ARID5B: variants seen among roughly 807,000 people sequenced by gnomAD.
ARID5B encodes the protein AT-rich interaction domain 5B.
ARID5B carries 13 observed loss-of-function variants against 97.2 expected under a neutral mutation model. That is an observed-to-expected ratio of 0.13 (90% CI 0.09 to 0.21). The LOEUF (loss-of-function observed/expected upper bound fraction) is 0.21, where lower values mean the gene tolerates loss of function less well. Ranked by LOEUF, ARID5B falls within the 10% of genes least tolerant of loss-of-function variation. The probability of loss-of-function intolerance (pLI) is 1.00; values close to 1 mark genes in which losing one functional copy is unlikely to be tolerated. For synonymous variants in ARID5B, 556 were observed against 570.3 expected, an observed-to-expected ratio of 0.97 and a Z score of 0.36; for missense variants, 1,210 against 1,465.3, an observed-to-expected ratio of 0.83 and a Z score of 2.84.
In ARID5B at chr10:62,096,710, A is replaced by G. The variant is rs1011791117; in HGVS notation, c.*3680A>G. On this transcript the variant is annotated 3_prime_UTR_variant, in exon 10 of 10. Transcript: ENST00000279873. The stretch of plus-strand genomic sequence containing the variant: ...TATAGCAACATGGCCCAGTGATATT[A>G]TATAGTTTCCCAATGGAGAGGTTAT... 1.3e-5 allele frequency: 3 copies of G among 233,502 alleles called. No individual in the cohort carries two copies. Among genetic ancestry groups the G allele is most frequent in the African/African-American group, 6.6e-5 (3 of 45,360 alleles). 14.5% of individuals were successfully genotyped at this position (233,502 alleles called of 1,614,324 possible). A position where few individuals can be genotyped will look rare whatever the true frequency, so the allele number is the denominator to read the frequency against.
intron 8 of ARID5B, among the ~76,000 whole-genome samples, chr10:62,081,080 G>A (rs887695826): frequency 1.3e-5 from 2 of 152,180 alleles, no homozygotes; most frequent in Admixed American, 6.5e-5. Context: ...TGGGATTACA[G>A]GCGTGAGCTA....
chr10:62,039,408 G>T (rs796805071), intron 4 of ARID5B, among the ~76,000 whole-genome samples: 4 of 152,306 alleles, frequency 2.6e-5, no homozygotes, highest in Non-Finnish European at 4.4e-5. Context: ...TCTAAGAAAA[G>T]AAAATATTTC....
rs544974395 is a variant in ARID5B, at chr10:61,941,103, C to A, written c.502+695C>A. Among the ~76,000 whole-genome samples, 8 of 143,844 alleles carry A rather than the reference C, an allele frequency of 5.6e-5. 1 individual carries two copies. The South Asian group carries it at 1.6e-3, about 29-fold the overall frequency. The allele number at this position is 143,844 out of a possible 152,430, so 94.4% of individuals were successfully genotyped here. A position where few individuals can be genotyped will look rare whatever the true frequency, so the allele number is the denominator to read the frequency against. On this transcript the variant is annotated intron_variant, in intron 3 of 9. Coordinates refer to ENST00000279873, the MANE Select transcript of ARID5B (RefSeq NM_032199.3). Reference sequence around the variant, plus strand: ...ACTCTGCTGCTTCTTAGCTGTATGGCCTTAGGCAAATAATTTAACTTCTAA... The same window carrying A: ...ACTCTGCTGCTTCTTAGCTGTATGGACTTAGGCAAATAATTTAACTTCTAA...
intron 2 of ARID5B, among the ~76,000 whole-genome samples, chr10:61,928,502 A>T (rs544843059): frequency 6.6e-6 from 1 of 152,158 alleles, no homozygotes; most frequent in Admixed American, 6.5e-5. Context: ...GGTTTTGTAC[A>T]GGCTGATCTT....
At chr10:61,978,837 C>T (rs762368472) in intron 3 of ARID5B, among the ~76,000 whole-genome samples, 1 of 152,114 alleles carries the variant, frequency 6.6e-6, no homozygotes, top group African/African-American at 2.4e-5. Context: ...CTTTTCCTAA[C>T]TGAAAACCCT....
chr10:61,927,989 T>A (rs1844137019), intron 2 of ARID5B, among the ~76,000 whole-genome samples: 1 of 152,134 alleles, frequency 6.6e-6, no homozygotes, highest in Admixed American at 6.5e-5. Flanking sequence ...CCGGTGGGGT[T>A]TACTCATAGA....
At chr10:61,920,882 A>C (rs1467486900) in intron 2 of ARID5B, among the ~76,000 whole-genome samples, 1 of 152,176 alleles carries the variant, frequency 6.6e-6, no homozygotes, top group Non-Finnish European at 1.5e-5. Flanking sequence ...ATACTTGGCA[A>C]GATTATATGG....
intron 4 of ARID5B, among the ~76,000 whole-genome samples, chr10:62,010,279 C>T (rs988063371): frequency 7.2e-5 from 11 of 152,186 alleles, no homozygotes; most frequent in African/African-American, 2.4e-4. Context: ...AAAAGAGTCA[C>T]TTCAGAATAA....
In ARID5B at chr10:62,095,285, C is replaced by T. The variant is rs1480928811; in HGVS notation, c.*2255C>T. ...GCACTAGATTGAATGGTCACAGAAT[C>T]GGAGGACATGGAAGAAAAAGGAAAC... On this transcript the variant is annotated 3_prime_UTR_variant, in exon 10 of 10. Coordinates refer to ENST00000279873, the MANE Select transcript of ARID5B (RefSeq NM_032199.3). 6 of 232,650 alleles carry T rather than the reference C, an allele frequency of 2.6e-5. No homozygotes were observed. The highest frequency in any genetic ancestry group is 5.1e-5 in the Non-Finnish European group (6 of 117,742). The allele number at this position is 232,650 out of a possible 1,614,324, so 14.4% of individuals were successfully genotyped here.
intron 5 of ARID5B, 125 bp from the exon 6 acceptor site, chr10:62,056,992 G>C (rs1839864725): frequency 2.4e-6 from 2 of 843,108 alleles, no homozygotes; most frequent in South Asian, 1.8e-5. Flanking sequence ...ATTAAAAGCA[G>C]GGATAATTTA....
chr10:62,065,602 T>A (rs1217090622), intron 7 of ARID5B, among the ~76,000 whole-genome samples: 2 of 151,976 alleles, frequency 1.3e-5, no homozygotes, highest in African/African-American at 4.8e-5. Flanking sequence ...TCCCAGCACT[T>A]TGGGAGGCCA....
intron 1 of ARID5B, 34 bp from the exon 2 acceptor site, chr10:61,902,125 A>T: frequency 6.2e-7 from 1 of 1,609,770 alleles, no homozygotes; most frequent in East Asian, 2.2e-5. Context: ...TGATGGCTAC[A>T]TTATTTATTT....
At chr10:62,018,072 CAA>C (rs570402081) in intron 4 of ARID5B, among the ~76,000 whole-genome samples, 1 of 152,144 alleles carries the variant, frequency 6.6e-6, no homozygotes, top group Non-Finnish European at 1.5e-5. Flanking sequence ...GATCCAGTGT[CAA>C]AAATAATCGG....
rs146315822 is a variant in ARID5B at position 61,948,325 on chromosome 10, T to G, written c.502+7917T>G. 2.4e-3 allele frequency among the ~76,000 whole-genome samples: 370 copies of G among 151,520 alleles called. 1 individual carries two copies. Among genetic ancestry groups the G allele is most frequent in the African/African-American group, 8.3e-3 (344 of 41,294 alleles). Reference sequence around the variant, plus strand: ...CTCTTTTCAGTTCTTCCCTAAGATGTGCTTTCAGAATCCCTCACCATCACG... The same window carrying G: ...CTCTTTTCAGTTCTTCCCTAAGATGGGCTTTCAGAATCCCTCACCATCACG... On this transcript the variant is annotated intron_variant, in intron 3 of 9. Transcript: ENST00000279873.
chr10:61,996,870 A>G (rs1839004354), intron 3 of ARID5B, among the ~76,000 whole-genome samples: 1 of 148,400 alleles, frequency 6.7e-6, no homozygotes, highest in Non-Finnish European at 1.5e-5. Flanking sequence ...AGAATTTTTT[A>G]AAAGTCTGAC....
intron 2 of ARID5B, among the ~76,000 whole-genome samples, chr10:61,917,667 C>G (rs1182722010): frequency 2.6e-5 from 4 of 152,188 alleles, no homozygotes; most frequent in African/African-American, 7.2e-5. Context: ...AAGCTTTGGA[C>G]TATTACAGTT....
intron 9 of ARID5B, among the ~76,000 whole-genome samples, chr10:62,087,306 A>AAAAAAAAAAAAAAAAAAAAAAAAG (rs1840302632): frequency 6.7e-6 from 1 of 149,502 alleles, no homozygotes; most frequent in Non-Finnish European, 1.5e-5. Context: ...CTCAAAAAAA[A>AAAAAAAAAAAAAAAAAAAAAAAAG]AAAAAAAAAA....
Position 62,022,073 on chromosome 10 carries a change from G to A in ARID5B, c.733+21752G>A, listed in dbSNP as rs143384001. ...CCCTGGCACTGTCCCCCTGTCCCATGTTCTCTTCTTTACTGAACTACAATT... is the reference window on the plus strand; with the variant it reads ...CCCTGGCACTGTCCCCCTGTCCCATATTCTCTTCTTTACTGAACTACAATT... On this transcript the variant is annotated intron_variant, in intron 4 of 9. Coordinates refer to ENST00000279873, the MANE Select transcript of ARID5B (RefSeq NM_032199.3). Among the ~76,000 whole-genome samples the A allele has an allele frequency of 4.6e-3, 706 of 152,274 alleles. 9 individuals are homozygous for A. Among genetic ancestry groups the A allele is most frequent in the African/African-American group, 0.016 (676 of 41,568 alleles).
chr10:61,907,310 G>A (rs1052150956), intron 2 of ARID5B, among the ~76,000 whole-genome samples: 1 of 152,154 alleles, frequency 6.6e-6, no homozygotes, highest in Non-Finnish European at 1.5e-5. Flanking sequence ...AGAAGGTGCT[G>A]GATTAGTCTT....
Sources: gnomAD v4.1 joint callset for allele counts (sites outside exome capture counted in the v4.1 genomes callset) on GRCh38, gnomAD v4.1.1 for gene constraint, MANE v1.5 for transcripts, NCBI Gene and HGNC (gene_info 2026-07-23, HGNC 2026-07-21) for gene names.